HK1: variants seen among roughly 807,000 people sequenced by gnomAD.
HK1 encodes hexokinase 1.
A neutral mutation model predicts 91.6 loss-of-function variants in HK1; 28 were observed. The ratio of observed to expected loss-of-function variants is 0.31; its 90% CI spans 0.23 to 0.42. The LOEUF (loss-of-function observed/expected upper bound fraction) is 0.42. Among genes scored for constraint, HK1 ranks in the 10% least tolerant of loss-of-function variants. HK1 has a pLI of 1.00. For synonymous variants in HK1, 430 were observed against 468.1 expected (o/e 0.92, Z 1.05); for missense variants, 770 against 1,219.8 (o/e 0.63, Z 5.49).
chr10:69,273,571 C>G (rs979174973), intron 1 of HK1, among the ~76,000 whole-genome samples: 1 of 152,142 alleles, frequency 6.6e-6, no homozygotes, highest in Non-Finnish European at 1.5e-5. Context: ...AGGCTGGTGT[C>G]GAACTCCTGA....
At chr10:69,293,782 C>T (rs887220377) in intron 3 of HK1, among the ~76,000 whole-genome samples, 1 of 151,398 alleles carries the variant, frequency 6.6e-6, no homozygotes, top group African/African-American at 2.4e-5. Context: ...GGGGCTCATT[C>T]ACATAGTGGT....
chr10:69,281,474 GCCTCAGGGGCCT>G (rs1844745137), intron 1 of HK1, among the ~76,000 whole-genome samples: 1 of 152,154 alleles, frequency 6.6e-6, no homozygotes, highest in African/African-American at 2.4e-5. Flanking sequence ...CCTGATCCCT[GCCTCAGGGGCCT>G]CCAAAGAAAA....
chr10:69,353,222 G>A (rs1268364195), intron 2 of HK1, among the ~76,000 whole-genome samples: 1 of 152,126 alleles, frequency 6.6e-6, no homozygotes, highest in Non-Finnish European at 1.5e-5. Flanking sequence ...GAGGGAGAGA[G>A]CCTGAAAATA....
At chr10:69,398,287 A>T (rs1001386694) in intron 16 of HK1, among the ~76,000 whole-genome samples, 8 of 152,264 alleles carry the variant, frequency 5.3e-5, no homozygotes, top group Non-Finnish European at 8.8e-5. Context: ...AGAAAATCAC[A>T]TATCAAGGAT....
intron 2 of HK1, among the ~76,000 whole-genome samples, chr10:69,353,323 T>C (rs764765512): frequency 4.6e-5 from 7 of 152,364 alleles, no homozygotes; most frequent in Admixed American, 1.3e-4. Flanking sequence ...GTATGATGGC[T>C]CACGCCTGTA....
At chr10:69,372,099 T>C (rs1176355933) in intron 7 of HK1, among the ~76,000 whole-genome samples, 9 of 152,174 alleles carry the variant, frequency 5.9e-5, no homozygotes, top group Non-Finnish European at 4.4e-5. Flanking sequence ...AAAGAGAAAT[T>C]GTGCAGGGGA....
chr10:69,385,170 T>C (rs903027811), intron 12 of HK1, among the ~76,000 whole-genome samples: 2 of 152,226 alleles, frequency 1.3e-5, no homozygotes, highest in East Asian at 1.9e-4. Flanking sequence ...CCTCATCCTC[T>C]TCTGTGCCCC....
At chr10:69,332,393 T>TCTTTCTTTCTTTCTTTCTTTC (rs1301874042) in intron 1 of HK1, among the ~76,000 whole-genome samples, 1 of 126,468 alleles carries the variant, frequency 7.9e-6, no homozygotes, top group South Asian at 2.8e-4. Flanking sequence ...TTTTTTCTTT[T>TCTTTCTTTCTTTCTTTCTTTC]TTTGAGACAG....
chr10:69,355,963 C>T (rs765438032), intron 2 of HK1, among the ~76,000 whole-genome samples: 2 of 152,102 alleles, frequency 1.3e-5, no homozygotes, highest in African/African-American at 2.4e-5. Flanking sequence ...CACCTCATAC[C>T]ATATATAAAA....
intron 5 of HK1, among the ~76,000 whole-genome samples, chr10:69,303,090 T>G (rs1429327814): frequency 6.6e-6 from 1 of 152,184 alleles, no homozygotes; most frequent in Non-Finnish European, 1.5e-5. Flanking sequence ...TCAGTTAGTA[T>G]TAGATTTGGC....
chr10:69,308,997 T>A (rs1446484821), intron 5 of HK1, among the ~76,000 whole-genome samples: 2 of 152,220 alleles, frequency 1.3e-5, no homozygotes, highest in East Asian at 3.9e-4. Context: ...GATTATAGGA[T>A]ATGAAAATCA....
chr10:69,379,546 C>T (rs1274693536), intron 8 of HK1, among the ~76,000 whole-genome samples: 1 of 152,206 alleles, frequency 6.6e-6, no homozygotes, highest in Non-Finnish European at 1.5e-5. Flanking sequence ...TCCTGAGCCT[C>T]ATGAGCCCTG....
intron 1 of HK1, among the ~76,000 whole-genome samples, chr10:69,329,160 T>TTTCTTCTTC (rs377633075): frequency 0.066 from 10,003 of 151,310 alleles, 797 homozygotes; most frequent in African/African-American, 0.19. Context: ...GCTTTCTTTC[T>TTTCTTCTTC]TTCTTCTTCT....
upstream of HK1, among the ~76,000 whole-genome samples, chr10:69,314,022 G>T (rs1048889242): frequency 1.3e-5 from 2 of 152,116 alleles, no homozygotes; most frequent in Admixed American, 1.3e-4. Context: ...GGGCTGGGTG[G>T]CCAGTGTCTC....
chr10:69,320,072 C>A (rs534127455), intron 1 of HK1, among the ~76,000 whole-genome samples: 1 of 152,116 alleles, frequency 6.6e-6, no homozygotes, highest in Non-Finnish European at 1.5e-5. Flanking sequence ...GCCCGGCAAG[C>A]CATAGGGTGT....
At chr10:69,381,555 T>TG (rs1839389056) in intron 9 of HK1, among the ~76,000 whole-genome samples, 1 of 150,690 alleles carries the variant, frequency 6.6e-6, no homozygotes, top group African/African-American at 2.4e-5. Context: ...CCTTTTTTTT[T>TG]TTTTTTTTTT....
intron 5 of HK1, among the ~76,000 whole-genome samples, chr10:69,301,269 G>T (rs1427027873): frequency 1.4e-5 from 2 of 145,074 alleles, no homozygotes; most frequent in Non-Finnish European, 1.5e-5. Context: ...AAATTAAATT[G>T]TACTTCTTCT....
At chr10:69,314,408 T>C (rs113324864), upstream of HK1, among the ~76,000 whole-genome samples, 565 of 152,274 alleles carry the variant, frequency 3.7e-3, 3 homozygotes, top group Middle Eastern at 0.02. Context: ...AAACCACTGA[T>C]CCAACTAATA....
At chr10:69,329,160 T>TTTCTTC (rs377633075) in intron 1 of HK1, among the ~76,000 whole-genome samples, 3,417 of 151,356 alleles carry the variant, frequency 0.023, 49 homozygotes, top group South Asian at 0.041. Flanking sequence ...GCTTTCTTTC[T>TTTCTTC]TTCTTCTTCT....
Sources: allele counts gnomAD v4.1 joint callset (sites outside exome capture counted in the v4.1 genomes callset), GRCh38; gene constraint gnomAD v4.1.1; transcripts MANE v1.5; gene names NCBI Gene and HGNC (gene_info 2026-07-23, HGNC 2026-07-21).